MED13L: variants seen among roughly 807,000 people sequenced by gnomAD.
The protein encoded by MED13L is mediator complex subunit 13L.
In MED13L, 7 loss-of-function variants were observed where a neutral mutation model predicts 220.9. That is an observed-to-expected ratio of 0.03 (90% CI 0.02 to 0.06). MED13L has a LOEUF of 0.06. Among genes scored for constraint, MED13L ranks in the 10% least tolerant of loss-of-function variants. MED13L has a pLI of 1.00. For synonymous variants in MED13L, 1,011 were observed against 1,015.2 expected, an observed-to-expected ratio of 1.00 and a Z score of 0.08; for missense variants, 1,965 against 2,760.5, an observed-to-expected ratio of 0.71 and a Z score of 6.46.
At position 116,066,690 on chromosome 12, in the gene MED13L, A is replaced by G. The variant is rs542069905; in HGVS notation, c.479+29979T>C. Among the ~76,000 whole-genome samples the G allele has an allele frequency of 3.3e-5, 5 of 152,268 alleles. No individual in the cohort carries two copies. In the South Asian group the frequency reaches 1.0e-3, roughly 32 times the overall value. The stretch of plus-strand genomic sequence containing the variant: ...TTTACATTTAATTACAGAATCTCAT[A>G]AGAGTTTTTATCTGTAACAAAATAC... On this transcript the variant is annotated intron_variant, in intron 4 of 30. Transcript: ENST00000281928.
At chr12:116,159,314 T>C (rs543110835) in intron 2 of MED13L, among the ~76,000 whole-genome samples, 18 of 152,270 alleles carry the variant, frequency 1.2e-4, no homozygotes, top group African/African-American at 3.4e-4. Flanking sequence ...ACTGTTTCAA[T>C]AGAAGTGGTT....
chr12:116,209,377 G>C (rs751106819), intron 2 of MED13L, among the ~76,000 whole-genome samples: 5 of 152,198 alleles, frequency 3.3e-5, no homozygotes, highest in Admixed American at 3.3e-4. Flanking sequence ...AGGCCATGAT[G>C]AGGAAATATT....
intron 2 of MED13L, among the ~76,000 whole-genome samples, chr12:116,131,911 G>A (rs1329493428): frequency 6.6e-6 from 1 of 152,072 alleles, no homozygotes; most frequent in Non-Finnish European, 1.5e-5. Context: ...GAGCCTAGGT[G>A]GCCAGAGGTT....
chr12:116,018,044 G>A (rs1327264657), intron 7 of MED13L, among the ~76,000 whole-genome samples: 1 of 151,628 alleles, frequency 6.6e-6, no homozygotes, highest in African/African-American at 2.4e-5. Flanking sequence ...CAGACAATGT[G>A]TGCTAAACTT....
intron 4 of MED13L, among the ~76,000 whole-genome samples, chr12:116,082,178 ATTCT>A (rs942996943): frequency 2.6e-5 from 4 of 152,204 alleles, no homozygotes; most frequent in Non-Finnish European, 5.9e-5. Context: ...TTTTCCACTT[ATTCT>A]TTCTAATTTT....
intron 2 of MED13L, among the ~76,000 whole-genome samples, chr12:116,129,858 G>A (rs1169313526): frequency 2.0e-5 from 3 of 150,458 alleles, no homozygotes; most frequent in East Asian, 2.0e-4. Context: ...GTAGTGAGCC[G>A]AGATCGTGCC....
chr12:115,999,680 C>CA (rs764963148), intron 14 of MED13L, among the ~76,000 whole-genome samples: 3,477 of 132,368 alleles, frequency 0.026, 89 homozygotes, highest in African/African-American at 0.073. Context: ...CAAGATTTTG[C>CA]AAAAAAAAAA....
intron 1 of MED13L, among the ~76,000 whole-genome samples, chr12:116,269,965 T>C (rs974563331): frequency 9.2e-5 from 14 of 151,646 alleles, no homozygotes; most frequent in Non-Finnish European, 1.6e-4. Context: ...TTTTTTTTTT[T>C]CAAACTAGAA....
chr12:116,193,633 ATAATCACTAATACCTC>A (rs1565921985), intron 2 of MED13L, among the ~76,000 whole-genome samples: 1 of 152,056 alleles, frequency 6.6e-6, no homozygotes, highest in Non-Finnish European at 1.5e-5. Context: ...AAAACTCCTA[ATAATCACTAATACCTC>A]GCTATTTTTG....
In MED13L at chr12:116,140,289, G is replaced by A. The variant is rs142301148; in HGVS notation, c.311-28777C>T. ...TTCCCAATTAGAGTGTAAGTTTAAT[G>A]AAGGTAAAGATTTGCCTGTTTGTTT... On this transcript the variant is annotated intron_variant, in intron 2 of 30. Transcript: ENST00000281928. Among the ~76,000 whole-genome samples, 155 of 152,250 alleles carry A rather than the reference G, an allele frequency of 1.0e-3. 5 individuals are homozygous for A. In the East Asian group the frequency reaches 0.026, roughly 25 times the overall value.
rs1439809960 is a variant in MED13L at position 116,007,399 on chromosome 12, G to A, written c.2238+12C>T. 1.9e-6 allele frequency: 3 copies of A among 1,602,964 alleles called. No homozygotes were observed. The highest frequency in any genetic ancestry group is 2.2e-5 in the South Asian group (2 of 90,858). ...CCACACCATGCTGGACTCTCTCTCTGTTAAATGGTACCTTATTCTTTTTCA... is the reference window on the plus strand; with the variant it reads ...CCACACCATGCTGGACTCTCTCTCTATTAAATGGTACCTTATTCTTTTTCA... On this transcript the variant is annotated intron_variant, in intron 11 of 30. Transcript: ENST00000281928.
intron 23 of MED13L, 94 bp from the exon 24 acceptor site, chr12:115,975,832 G>A (rs536571880): frequency 8.7e-6 from 10 of 1,148,996 alleles, no homozygotes; most frequent in Non-Finnish European, 1.1e-5. Flanking sequence ...CCCACAGGGA[G>A]TAATGGTAGT....
At chr12:116,212,241 T>C (rs1882741787) in intron 2 of MED13L, among the ~76,000 whole-genome samples, 1 of 152,210 alleles carries the variant, frequency 6.6e-6, no homozygotes, top group African/African-American at 2.4e-5. Context: ...ACTGTATACC[T>C]TTGTAATTAA....
chr12:116,103,786 CTCAT>C (rs1873298273), intron 3 of MED13L, among the ~76,000 whole-genome samples: 1 of 152,118 alleles, frequency 6.6e-6, no homozygotes, highest in Non-Finnish European at 1.5e-5. Context: ...AGTCTAAAGA[CTCAT>C]TCTCCTACTT....
In MED13L at chr12:116,277,268, G is replaced by T. The variant is rs1873949778; in HGVS notation, c.-137C>A. 1.5e-5 allele frequency: 1 copy of T among 68,212 alleles called. No homozygotes were observed. The highest frequency in any genetic ancestry group is 5.2e-4 in the African/African-American group (1 of 1,922). 4.2% of individuals were successfully genotyped at this position (68,212 alleles called of 1,614,324 possible). A position where few individuals can be genotyped will look rare whatever the true frequency, so the allele number is the denominator to read the frequency against. On this transcript the variant is annotated 5_prime_UTR_variant, in exon 1 of 31. Transcript: ENST00000281928. ...CGCCGCCGCCGGGGGAGGGCGCGAGGGCCGGCGGGCAGGCGGGAGGCGCCG... is the reference window on the plus strand; with the variant it reads ...CGCCGCCGCCGGGGGAGGGCGCGAGTGCCGGCGGGCAGGCGGGAGGCGCCG...
intron 1 of MED13L, among the ~76,000 whole-genome samples, chr12:116,250,369 A>G (rs1057012249): frequency 2.0e-5 from 3 of 150,982 alleles, no homozygotes; most frequent in Non-Finnish European, 4.4e-5. Flanking sequence ...TTTTTTTTTT[A>G]TTTCTTCAGG....
At chr12:116,229,861 T>C (rs1402494568) in intron 2 of MED13L, among the ~76,000 whole-genome samples, 1 of 152,318 alleles carries the variant, frequency 6.6e-6, no homozygotes, top group East Asian at 1.9e-4. Flanking sequence ...CTTACTACTT[T>C]ATAGCTTTGG....
intron 2 of MED13L, among the ~76,000 whole-genome samples, chr12:116,172,665 G>A (rs536411290): frequency 9.9e-5 from 15 of 152,242 alleles, no homozygotes; most frequent in African/African-American, 3.1e-4. Flanking sequence ...ACTTAAAAAT[G>A]AGTGACCTTA....
chr12:115,991,196 G>C lies in MED13L; in HGVS notation c.3758C>G (p.Thr1253Ser). The C allele has an allele frequency of 6.2e-7, 1 of 1,614,216 alleles. No homozygotes were observed. The highest frequency in any genetic ancestry group is 2.2e-5 in the East Asian group (1 of 44,884). The change falls in exon 17 of 31, where the codon ACT becomes AGT. Residue 1253 changes from threonine (T) to serine (S), a missense_variant. Coordinates refer to ENST00000281928, the MANE Select transcript of MED13L (RefSeq NM_015335.5). The surrounding 1 kb of genome is among the most constrained non-coding windows in gnomAD (Gnocchi z 7.7). ...ATAACTCCAGCTTACACAGGGAAGAGTTTGGCGATTGTTAGAGGAAATGTA... is the reference window on the plus strand; with the variant it reads ...ATAACTCCAGCTTACACAGGGAAGACTTTGGCGATTGTTAGAGGAAATGTA... Reference protein sequence around the residue: ...LDYISSNNRQTLPCVSWSYDR... With the variant: ...LDYISSNNRQSLPCVSWSYDR...
Sources: allele counts gnomAD v4.1 joint callset (sites outside exome capture counted in the v4.1 genomes callset), GRCh38; gene constraint gnomAD v4.1.1; non-coding constraint Gnocchi (gnomAD v3.1); transcripts MANE v1.5; gene names NCBI Gene and HGNC (gene_info 2026-07-23, HGNC 2026-07-21).